EIF4EBP2: variants seen among roughly 807,000 people sequenced by gnomAD.
The protein encoded by EIF4EBP2 is eukaryotic translation initiation factor 4E-binding protein 2.
A neutral mutation model predicts 10.3 loss-of-function variants in EIF4EBP2; 5 were observed. The ratio of observed to expected loss-of-function variants is 0.48; its 90% CI spans 0.25 to 1.02. The LOEUF is 1.02. Among genes scored for constraint, EIF4EBP2 ranks in the 50% least tolerant of loss-of-function variants. The pLI, the probability that EIF4EBP2 is intolerant of heterozygous loss-of-function variation, is 0.15. For synonymous variants in EIF4EBP2, 67 were observed against 61.1 expected (o/e 1.10, Z -0.45); for missense variants, 188 against 162.2 (o/e 1.16, Z -0.86).
chr10:70,404,664 C>T, intron 1 of EIF4EBP2, 118 bp downstream of exon 1: 2 of 1,310,150 alleles, frequency 1.5e-6, no homozygotes, highest in East Asian at 3.1e-5. Context: ...GCCCCGGGGA[C>T]GCTGCCCTTG....
chr10:70,406,469 C>T (rs1844965258), intron 1 of EIF4EBP2, among the ~76,000 whole-genome samples: 5 of 152,306 alleles, frequency 3.3e-5, no homozygotes, highest in South Asian at 2.1e-4. Flanking sequence ...GTTCAGAACA[C>T]GTCATAGTGA....
chr10:70,404,523 C>T lies in EIF4EBP2; in HGVS notation c.122C>T (p.Thr41Met). The change falls in exon 1 of 3, where the codon ACG becomes ATG. Residue 41 changes from threonine (T) to methionine (M), a missense_variant. Transcript: ENST00000373218. ...GACTATTGCACCACGCCCGGGGGGA[C>T]GCTCTTCTCCACCACACCGGGAGGT... ...PHDYCTTPGG[T>M]LFSTTPGGTR... is the part of the protein sequence containing the mutation. 1 of 1,587,556 alleles carries T rather than the reference C, an allele frequency of 6.3e-7. No homozygotes were observed. The highest frequency in any genetic ancestry group is 8.5e-7 in the Non-Finnish European group (1 of 1,170,336).
rs762509580 is a variant in EIF4EBP2, at chr10:70,404,487, A to C, written c.86A>C (p.Gln29Pro). The C allele has an allele frequency of 1.3e-6, 2 of 1,599,878 alleles. No individual in the cohort carries two copies. Among genetic ancestry groups the C allele is most frequent in the African/African-American group, 1.4e-5 (1 of 72,660 alleles). The change falls in exon 1 of 3, where the codon CAG (glutamine) becomes CCG (proline). Residue 29 changes from glutamine to proline, a missense_variant. Transcript: ENST00000373218. ...ACCGTGGCCATCAGCGACGCCGCGC[A>C]GCTACCTCATGACTATTGCACCACG... ...TRTVAISDAA[Q>P]LPHDYCTTPG...
intron 1 of EIF4EBP2, among the ~76,000 whole-genome samples, chr10:70,407,918 CAGTA>C: frequency 6.6e-5 from 9 of 135,446 alleles, no homozygotes; most frequent in African/African-American, 2.3e-4. Flanking sequence ...CCTCACTTCC[CAGTA>C]GGAGCGGCCG....
In EIF4EBP2 at chr10:70,421,719, A is replaced by T; in HGVS notation, c.335A>T (p.Asp112Val). The T allele has an allele frequency of 6.2e-7, 1 of 1,613,548 alleles. No homozygotes were observed. Among genetic ancestry groups the T allele is most frequent in the South Asian group, 1.1e-5 (1 of 91,062 alleles). The change falls in exon 3 of 3, where the codon GAT becomes GTT. Residue 112 changes from aspartate (D) to valine (V), a missense_variant. Physicochemically the swap from Asp to Val is radical, Grantham distance 152. Transcript: ENST00000373218. ...NNHDRKHAVG[D>V]DAQFEMDI The stretch of plus-strand genomic sequence containing the variant: ...TCATTTTATTGGTCCTAACTAGGGG[A>T]TGATGCTCAGTTCGAGATGGACATC...
In EIF4EBP2 at chr10:70,420,045, G is replaced by A; in HGVS notation, c.277G>A (p.Val93Ile). 6.2e-7 allele frequency: 1 copy of A among 1,612,548 alleles called. No homozygotes were observed. Among genetic ancestry groups the A allele is most frequent in the Non-Finnish European group, 8.5e-7 (1 of 1,179,570 alleles). The change falls in exon 2 of 3, where the codon GTA (valine) becomes ATA (isoleucine). Residue 93 changes from valine (V) to isoleucine (I), a missense_variant. Transcript: ENST00000373218. ...TGGCACCTTAATTGAAGACTCCAAA[G>A]TAGAAGTAAACAATTTGAACAACTT... ...SPGTLIEDSK[V>I]EVNNLNNLNN... is the part of the protein sequence containing the mutation.
At chr10:70,419,101 G>GCCA (rs1332658069) in intron 1 of EIF4EBP2, among the ~76,000 whole-genome samples, 2 of 152,206 alleles carry the variant, frequency 1.3e-5, no homozygotes, top group Non-Finnish European at 2.9e-5. Context: ...ACAGGCATGA[G>GCCA]CCACCATGCC....
intron 1 of EIF4EBP2, among the ~76,000 whole-genome samples, chr10:70,413,859 C>T (rs912282486): frequency 1.3e-5 from 2 of 152,074 alleles, no homozygotes; most frequent in Non-Finnish European, 2.9e-5. Flanking sequence ...CACAATCATG[C>T]CCCATTTTAA....
chr10:70,407,639 C>T (rs1844985732), intron 1 of EIF4EBP2, among the ~76,000 whole-genome samples: 1 of 151,908 alleles, frequency 6.6e-6, no homozygotes, highest in Admixed American at 6.5e-5. Flanking sequence ...GTACACCTCC[C>T]AGATGGGGTG....
At chr10:70,416,772 C>T (rs992088818) in intron 1 of EIF4EBP2, among the ~76,000 whole-genome samples, 3 of 151,026 alleles carry the variant, frequency 2.0e-5, no homozygotes, top group Non-Finnish European at 2.9e-5. Context: ...TTAAGTGATC[C>T]TCCCACCTCA....
At chr10:70,421,014 C>G (rs1319074245) in intron 2 of EIF4EBP2, among the ~76,000 whole-genome samples, 4 of 152,076 alleles carry the variant, frequency 2.6e-5, no homozygotes, top group Non-Finnish European at 4.4e-5. Context: ...CCAGGATGGT[C>G]TCGATCTCCT....
At chr10:70,404,743 C>T (rs1333349213) in intron 1 of EIF4EBP2, among the ~76,000 whole-genome samples, 197 bp downstream of exon 1, 4 of 152,232 alleles carry the variant, frequency 2.6e-5, no homozygotes, top group Non-Finnish European at 4.4e-5. Context: ...TCGGCGCGCG[C>T]CCCACTCGGG....
intron 1 of EIF4EBP2, among the ~76,000 whole-genome samples, chr10:70,411,115 G>T (rs1365383743): frequency 6.6e-6 from 1 of 152,144 alleles, no homozygotes; most frequent in Non-Finnish European, 1.5e-5. Context: ...GTACAGCTCA[G>T]TGGGATTAAA....
chr10:70,418,940 G>A (rs543090537), intron 1 of EIF4EBP2, among the ~76,000 whole-genome samples: 3 of 152,190 alleles, frequency 2.0e-5, no homozygotes, highest in South Asian at 4.2e-4. Flanking sequence ...CTCAACCCCC[G>A]AGTAGTAGGG....
intron 2 of EIF4EBP2, among the ~76,000 whole-genome samples, chr10:70,421,084 T>G (rs1477256042): frequency 6.6e-6 from 1 of 152,236 alleles, no homozygotes; most frequent in East Asian, 1.9e-4. Flanking sequence ...TGTGAGCCAC[T>G]GCGCCTGGCC....
At chr10:70,421,515 T>A (rs1845157139) in intron 2 of EIF4EBP2, among the ~76,000 whole-genome samples, 1 of 152,124 alleles carries the variant, frequency 6.6e-6, no homozygotes, top group Admixed American at 6.5e-5. Flanking sequence ...TCCCCAAAAC[T>A]TCTCCCCATG....
Position 70,404,361 on chromosome 10 carries a change from G to C in EIF4EBP2, c.-41G>C, listed in dbSNP as rs1313635665. On this transcript the variant is annotated 5_prime_UTR_variant, in exon 1 of 3. Transcript: ENST00000373218. ...AAGCAGCCCCGGCCCCGCCGCCGCC[G>C]CCTGCCCGCCGGACAAAGCCGAGAG... The C allele has an allele frequency of 4.7e-6, 7 of 1,489,902 alleles. No homozygotes were observed. The African/African-American group carries it at 7.4e-5, about 16-fold the overall frequency. 92.3% of individuals were successfully genotyped at this position (1,489,902 alleles called of 1,614,324 possible).
rs958322776 is a variant in EIF4EBP2, at chr10:70,427,305, C to T, written c.*5558C>T. ...GGACTTTGAGGTGGACTTAGTTATCCCTACAGTTCTTTAACTCTCAGCTTT... is the reference window on the plus strand; with the variant it reads ...GGACTTTGAGGTGGACTTAGTTATCTCTACAGTTCTTTAACTCTCAGCTTT... On this transcript the variant is annotated 3_prime_UTR_variant, in exon 3 of 3. Transcript: ENST00000373218. The T allele has an allele frequency of 6.6e-6, 1 of 152,068 alleles. No individual in the cohort carries two copies. Among genetic ancestry groups the T allele is most frequent in the Admixed American group, 6.6e-5 (1 of 15,256 alleles). 9.4% of individuals were successfully genotyped at this position (152,068 alleles called of 1,614,324 possible). A position where few individuals can be genotyped will look rare whatever the true frequency, so the allele number is the denominator to read the frequency against.
intron 1 of EIF4EBP2, among the ~76,000 whole-genome samples, chr10:70,408,774 A>C (rs1845010582): frequency 6.6e-6 from 1 of 152,188 alleles, no homozygotes; most frequent in Non-Finnish European, 1.5e-5. Context: ...AACAGGTTTA[A>C]ATTCTTGATT....
Sources: allele counts gnomAD v4.1 joint callset (sites outside exome capture counted in the v4.1 genomes callset), GRCh38; gene constraint gnomAD v4.1.1; transcripts MANE v1.5; gene names NCBI Gene and HGNC (gene_info 2026-07-23, HGNC 2026-07-21).